The following SHISAL1 variants were observed in gnomAD, a reference collection of about 807,000 sequenced individuals.
SHISAL1 encodes shisa like 1.
A neutral mutation model predicts 22.6 loss-of-function variants in SHISAL1; 9 were observed. The observed-to-expected ratio is 0.40, with a 90% CI of 0.24 to 0.70. The LOEUF (loss-of-function observed/expected upper bound fraction) is 0.70, where lower values mean the gene tolerates loss of function less well. Ranked by LOEUF, SHISAL1 falls within the 30% of genes least tolerant of loss-of-function variation. The pLI is 0.39. For missense variants in SHISAL1, 246 were observed against 270.6 expected (o/e 0.91, Z 0.64); for synonymous variants, 119 against 115.4 (o/e 1.03, Z -0.20).
At chr22:44,262,346 C>T (rs1415975861) in intron 4 of SHISAL1, among the ~76,000 whole-genome samples, 1 of 152,196 alleles carries the variant, frequency 6.6e-6, no homozygotes, top group Non-Finnish European at 1.5e-5. Context: ...CCTTCATCTG[C>T]CAGGAGAAGG....
chr22:44,307,904 T>C (rs2055490775), intron 1 of SHISAL1, among the ~76,000 whole-genome samples: 1 of 152,136 alleles, frequency 6.6e-6, no homozygotes, highest in African/African-American at 2.4e-5. Context: ...GGCCTCAGGC[T>C]CCCACAGGCC....
intron 3 of SHISAL1, among the ~76,000 whole-genome samples, chr22:44,289,071 T>A (rs1282152844): frequency 6.6e-6 from 1 of 152,244 alleles, no homozygotes; most frequent in Admixed American, 6.5e-5. Context: ...GTTTATAGGC[T>A]GCATGTCTTG....
chr22:44,266,748 G>T (rs920292341), intron 4 of SHISAL1, among the ~76,000 whole-genome samples: 1 of 152,030 alleles, frequency 6.6e-6, no homozygotes, highest in Admixed American at 6.6e-5. Flanking sequence ...TGGTGCACAG[G>T]GGAAATGGCC....
chr22:44,290,553 G>A lies in SHISAL1; in HGVS notation c.282-4808C>T, dbSNP rs565789107. ...TCAAAAAAAAAAAAAAACAAAAAAC[G>A]GGAGTATGGAGCCCATTGGCAGGAG... is the stretch of plus-strand genomic sequence containing the variant. On this transcript the variant is annotated intron_variant, in intron 3 of 4. Transcript: ENST00000381176. Among the ~76,000 whole-genome samples the A allele has an allele frequency of 3.9e-5, 5 of 126,954 alleles. No homozygotes were observed. In the East Asian group the frequency reaches 8.4e-4, roughly 21 times the overall value. The allele number at this position is 126,954 out of a possible 152,430, so 83.3% of individuals were successfully genotyped here. A position where few individuals can be genotyped will look rare whatever the true frequency, so the allele number is the denominator to read the frequency against.
In SHISAL1 at chr22:44,285,756, A is replaced by G. The variant is rs1005706975; in HGVS notation, c.282-11T>C. ...AAGGCGGTGTAATTGCTGCGAACAA[A>G]CAGAGAGGGAGTGAGCAAGCAGAGG... On this transcript the variant is annotated splice_polypyrimidine_tract_variant and intron_variant, in intron 3 of 4. Transcript: ENST00000381176. The G allele has an allele frequency of 1.2e-6, 2 of 1,602,828 alleles. No homozygotes were observed. Among genetic ancestry groups the G allele is most frequent in the Non-Finnish European group, 1.7e-6 (2 of 1,171,884 alleles).
Position 44,245,120 on chromosome 22 carries a change from C to G in SHISAL1, c.*4565G>C, listed in dbSNP as rs1482784004. 1.3e-5 allele frequency: 2 copies of G among 152,252 alleles called. No homozygotes were observed. The highest frequency in any genetic ancestry group is 2.9e-5 in the Non-Finnish European group (2 of 68,062). The allele number at this position is 152,252 out of a possible 1,614,324, so 9.4% of individuals were successfully genotyped here. On this transcript the variant is annotated 3_prime_UTR_variant, in exon 5 of 5. Coordinates refer to ENST00000381176, the MANE Select transcript of SHISAL1 (RefSeq NM_001099294.2). ...CTGTCCCAGTGCTGTGGGGGCCAAG[C>G]AGACACCCTCTGATGCCCACCACGT...
Position 44,249,322 on chromosome 22 carries a change from A to G in SHISAL1, c.*363T>C. ...AGGGGCAAGGGAAGCTTCGGTTTTC[A>G]ACCACAGGTATAACTCACAGGCCTC... is the stretch of plus-strand genomic sequence containing the variant. On this transcript the variant is annotated 3_prime_UTR_variant, in exon 5 of 5. Coordinates refer to ENST00000381176, the MANE Select transcript of SHISAL1 (RefSeq NM_001099294.2). The G allele has an allele frequency of 4.3e-6, 1 of 233,936 alleles. No homozygotes were observed. Among genetic ancestry groups the G allele is most frequent in the Non-Finnish European group, 8.3e-6 (1 of 120,020 alleles). The allele number at this position is 233,936 out of a possible 1,614,324, so 14.5% of individuals were successfully genotyped here.
At chr22:44,330,523 C>T in the SHISAL1 span, among the ~76,000 whole-genome samples, 113 of 152,292 alleles carry the variant, frequency 7.4e-4, no homozygotes, top group Non-Finnish European at 1.3e-3. Context: ...CGGATGGCCC[C>T]AGGGGTGAGG....
chr22:44,285,858 G>T, intron 3 of SHISAL1, 113 bp from the exon 4 acceptor site: 1 of 907,822 alleles, frequency 1.1e-6, no homozygotes, highest in Non-Finnish European at 1.7e-6. Flanking sequence ...TGGGGTCCCC[G>T]GGAGGAGGGT....
At chr22:44,315,406 G>A (rs1001362629), upstream of SHISAL1, among the ~76,000 whole-genome samples, 7 of 152,022 alleles carry the variant, frequency 4.6e-5, no homozygotes, top group East Asian at 3.9e-4. Context: ...AGAAAGGAGC[G>A]TTTTTTTCCG....
chr22:44,278,190 G>C (rs925742698), intron 4 of SHISAL1, among the ~76,000 whole-genome samples: 2 of 152,166 alleles, frequency 1.3e-5, no homozygotes, highest in East Asian at 3.9e-4. Context: ...ATGTGAAAAG[G>C]TGAGACTGGC....
intron 3 of SHISAL1, among the ~76,000 whole-genome samples, chr22:44,293,373 G>A (rs190937247): frequency 3.3e-5 from 5 of 152,260 alleles, no homozygotes; most frequent in East Asian, 3.9e-4. Flanking sequence ...CTGTGCCCCC[G>A]CATTTGGCAC....
chr22:44,321,289 C>T, the SHISAL1 span, among the ~76,000 whole-genome samples: 2 of 152,222 alleles, frequency 1.3e-5, no homozygotes, highest in Non-Finnish European at 2.9e-5. Context: ...CAGCTTTCCA[C>T]AAGTGCCACG....
At chr22:44,319,285 A>G in the SHISAL1 span, among the ~76,000 whole-genome samples, 2 of 152,224 alleles carry the variant, frequency 1.3e-5, no homozygotes, top group Admixed American at 6.5e-5. Context: ...TGCAGATGAG[A>G]ACACAGCCTC....
chr22:44,274,546 C>T (rs1215211652), intron 4 of SHISAL1, among the ~76,000 whole-genome samples: 21 of 152,062 alleles, frequency 1.4e-4, no homozygotes, highest in Admixed American at 1.1e-3. Context: ...TATTTATCAT[C>T]GTATTAATAA....
At chr22:44,284,015 G>C (rs1046859109) in intron 4 of SHISAL1, among the ~76,000 whole-genome samples, 2 of 151,986 alleles carry the variant, frequency 1.3e-5, no homozygotes, top group Non-Finnish European at 2.9e-5. Flanking sequence ...ACATCCCCCA[G>C]AGCCTGGCAC....
chr22:44,331,655 G>A, the SHISAL1 span, among the ~76,000 whole-genome samples: 1 of 148,604 alleles, frequency 6.7e-6, no homozygotes, highest in African/African-American at 2.4e-5. The surrounding 1 kb of genome is among the most constrained non-coding windows in gnomAD (Gnocchi z 5.2). Flanking sequence ...CGGGGACTCC[G>A]GGCTCCCTGA....
At chr22:44,274,849 C>T (rs2055229020) in intron 4 of SHISAL1, among the ~76,000 whole-genome samples, 1 of 151,564 alleles carries the variant, frequency 6.6e-6, no homozygotes, top group African/African-American at 2.4e-5. Flanking sequence ...CAATAATAAT[C>T]ACAGTTAGCA....
At chr22:44,306,496 G>A (rs1341946451) in intron 1 of SHISAL1, among the ~76,000 whole-genome samples, 4 of 137,704 alleles carry the variant, frequency 2.9e-5, no homozygotes, top group Non-Finnish European at 6.3e-5. Flanking sequence ...CTGTGATGAC[G>A]ATGGCATGTG....
Sources: gnomAD v4.1 joint callset for allele counts (sites outside exome capture counted in the v4.1 genomes callset) on GRCh38, gnomAD v4.1.1 for gene constraint, Gnocchi (gnomAD v3.1) non-coding constraint, MANE v1.5 for transcripts, NCBI Gene and HGNC (gene_info 2026-07-23, HGNC 2026-07-21) for gene names.